The following OPCML variants were observed in gnomAD, a reference collection of about 807,000 sequenced individuals.
OPCML encodes the protein opioid-binding protein/cell adhesion molecule.
In OPCML, 13 loss-of-function variants were observed where a neutral mutation model predicts 37.8. That is an observed-to-expected ratio of 0.34 (90% CI 0.22 to 0.55). The LOEUF is 0.55. Among genes scored for constraint, OPCML ranks in the 20% least tolerant of loss-of-function variants. The probability of loss-of-function intolerance (pLI) is 0.91; values close to 1 mark genes in which losing one functional copy is unlikely to be tolerated. For missense variants in OPCML, 341 were observed against 435.6 expected, an observed-to-expected ratio of 0.78 and a Z score of 1.93; for synonymous variants, 176 against 168.8, an observed-to-expected ratio of 1.04 and a Z score of -0.33.
intron 3 of OPCML, among the ~76,000 whole-genome samples, chr11:132,646,785 G>A (rs1941172217): frequency 6.6e-6 from 1 of 151,988 alleles, no homozygotes; most frequent in East Asian, 1.9e-4. Context: ...AGTTGAGAGT[G>A]GAACATGTTA....
chr11:133,276,167 G>T (rs117214651), intron 1 of OPCML, among the ~76,000 whole-genome samples: 5,611 of 152,278 alleles, frequency 0.037, 153 homozygotes, highest in Middle Eastern at 0.075. Context: ...TAGTGGCAAA[G>T]AGGGAAAATG....
At chr11:133,181,187 G>A (rs1182531456) in intron 1 of OPCML, among the ~76,000 whole-genome samples, 3 of 152,126 alleles carry the variant, frequency 2.0e-5, no homozygotes, top group South Asian at 2.1e-4. Context: ...GTGAACACAC[G>A]GGTCATTGTG....
At chr11:132,717,403 T>C (rs1234732614) in intron 2 of OPCML, among the ~76,000 whole-genome samples, 7 of 152,180 alleles carry the variant, frequency 4.6e-5, no homozygotes, top group Admixed American at 2.0e-4. Context: ...TTAAGCAATA[T>C]TTTATAAGCT....
intron 4 of OPCML, among the ~76,000 whole-genome samples, chr11:132,481,434 C>A (rs2096180011): frequency 6.6e-6 from 1 of 150,832 alleles, no homozygotes; most frequent in South Asian, 2.1e-4. Context: ...CCTGAGTGAC[C>A]TACAAAGAGA....
intron 7 of OPCML, among the ~76,000 whole-genome samples, chr11:132,423,136 T>G (rs2136661266): frequency 6.6e-6 from 1 of 152,330 alleles, no homozygotes; most frequent in South Asian, 2.1e-4. Context: ...CTTTTGCACT[T>G]CAGAATTCCA....
chr11:132,554,057 G>GCCTGGAAAT (rs1349301441), intron 3 of OPCML, among the ~76,000 whole-genome samples: 1 of 152,154 alleles, frequency 6.6e-6, no homozygotes, highest in Non-Finnish European at 1.5e-5. Context: ...TGCTCTGCCT[G>GCCTGGAAAT]CCTGGAAATT....
At chr11:133,055,545 A>G (rs1948219109) in intron 1 of OPCML, among the ~76,000 whole-genome samples, 1 of 148,938 alleles carries the variant, frequency 6.7e-6, no homozygotes, top group Non-Finnish European at 1.5e-5. Context: ...CTACCGTATA[A>G]TGCTGCCTCT....
At chr11:132,833,604 G>A (rs187355671) in intron 2 of OPCML, among the ~76,000 whole-genome samples, 6 of 152,348 alleles carry the variant, frequency 3.9e-5, no homozygotes, top group African/African-American at 1.4e-4. Context: ...AAAGCTTAAT[G>A]TGCCTTACAT....
At chr11:132,831,734 C>T (rs561210326) in intron 2 of OPCML, among the ~76,000 whole-genome samples, 8 of 150,276 alleles carry the variant, frequency 5.3e-5, no homozygotes, top group Non-Finnish European at 8.9e-5. Flanking sequence ...TTTCTTCCCT[C>T]TCTTCAAGTT....
At chr11:132,436,859 C>A in intron 5 of OPCML, 80 bp from the exon 6 acceptor site, 1 of 1,544,532 alleles carries the variant, frequency 6.5e-7, no homozygotes, top group Non-Finnish European at 8.8e-7. Context: ...AGATGAAGGG[C>A]ACATCCAGCC....
At chr11:133,399,657 T>C (rs1945359646) in intron 1 of OPCML, among the ~76,000 whole-genome samples, 1 of 152,132 alleles carries the variant, frequency 6.6e-6, no homozygotes, top group South Asian at 2.1e-4. Context: ...AGCAGCTGGA[T>C]ACAAATGGCC....
chr11:133,005,146 C>A (rs564770751), intron 1 of OPCML: 1 of 985,260 alleles, frequency 1.0e-6, no homozygotes, highest in Non-Finnish European at 1.2e-6. Flanking sequence ...CCTGCCTGCT[C>A]CTGCACCACT....
chr11:133,064,911 T>G (rs1462276648), intron 1 of OPCML: 2 of 152,036 alleles, frequency 1.3e-5, no homozygotes, highest in Admixed American at 6.6e-5. Context: ...ACAGGACACA[T>G]ACAAGATATG....
chr11:132,983,323 C>T (rs557307844), intron 1 of OPCML, among the ~76,000 whole-genome samples: 1 of 152,368 alleles, frequency 6.6e-6, no homozygotes, highest in East Asian at 1.9e-4. Context: ...GGGATTGGTC[C>T]AGGCCTGGTG....
chr11:133,195,708 G>T (rs1159701526), intron 1 of OPCML, among the ~76,000 whole-genome samples: 1 of 152,152 alleles, frequency 6.6e-6, no homozygotes, highest in Non-Finnish European at 1.5e-5. Context: ...AAAATTGCCT[G>T]CTTATGCCTC....
intron 2 of OPCML, among the ~76,000 whole-genome samples, chr11:132,926,240 AT>A (rs1944984683): frequency 6.6e-6 from 1 of 152,018 alleles, no homozygotes; most frequent in Admixed American, 6.6e-5. Context: ...TCCACCCTAG[AT>A]TGTAACTCTA....
intron 1 of OPCML, among the ~76,000 whole-genome samples, chr11:133,305,209 C>T (rs1295816213): frequency 6.6e-6 from 1 of 152,152 alleles, no homozygotes; most frequent in African/African-American, 2.4e-5. Flanking sequence ...ACGAAGCAGG[C>T]ACAGTGACTG....
chr11:132,632,906 A>G (rs1345401551), intron 3 of OPCML, among the ~76,000 whole-genome samples: 1 of 151,560 alleles, frequency 6.6e-6, no homozygotes, highest in African/African-American at 2.4e-5. Context: ...CCTTTCTCGT[A>G]CATCTACCGA....
Position 133,361,052 on chromosome 11 carries a change from G to T in OPCML, c.61+171212C>A, listed in dbSNP as rs555276059. ...TGCTCTGGTTGGGTGACTCCCTTCC[G>T]CACGGCTGCCCTGGGTCCCCAGCCC... On this transcript the variant is annotated intron_variant, in intron 1 of 7. Coordinates refer to ENST00000524381, the MANE Select transcript of OPCML (RefSeq NM_001012393.5). 3 of 152,514 alleles carry T rather than the reference G, an allele frequency of 2.0e-5. No individual in the cohort carries two copies. The East Asian group carries it at 5.8e-4, about 30-fold the overall frequency. The allele number at this position is 152,514 out of a possible 1,614,324, so 9.4% of individuals were successfully genotyped here.
Sources: gnomAD v4.1 joint callset for allele counts (sites outside exome capture counted in the v4.1 genomes callset) on GRCh38, gnomAD v4.1.1 for gene constraint, MANE v1.5 for transcripts, NCBI Gene and HGNC (gene_info 2026-07-23, HGNC 2026-07-21) for gene names.